The following RAPGEF5 variants were observed in gnomAD, a reference collection of about 807,000 sequenced individuals.
RAPGEF5 encodes the protein M-Ras-regulated GEF.
RAPGEF5 carries 65 observed loss-of-function variants against 125.2 expected under a neutral mutation model. The observed-to-expected ratio is 0.52, with a 90% CI of 0.43 to 0.64. The LOEUF (loss-of-function observed/expected upper bound fraction) is 0.64. Among genes scored for constraint, RAPGEF5 ranks in the 30% least tolerant of loss-of-function variants. RAPGEF5 has a pLI of 0.00. For missense variants in RAPGEF5, 958 were observed against 1,048.1 expected (o/e 0.91, Z 1.19); for synonymous variants, 391 against 385.9 (o/e 1.01, Z -0.16).
In RAPGEF5 at chr7:22,273,211, ATTTTTTT is replaced by A. The variant is rs71026869; in HGVS notation, c.748-6206_748-6200del. 3.1e-5 allele frequency among the ~76,000 whole-genome samples: 3 copies of A among 96,580 alleles called. No individual in the cohort carries two copies. The Admixed American group carries it at 3.8e-4, about 12-fold the overall frequency. The allele number at this position is 96,580 out of a possible 152,430, so 63.4% of individuals were successfully genotyped here. A position where few individuals can be genotyped will look rare whatever the true frequency, so the allele number is the denominator to read the frequency against. ...CATCTGTTTCAAGGCACTTAGGAGT[ATTTTTTT>A]TTTTTTTTTTTTTTTTTTGAGACAG... On this transcript the variant is annotated intron_variant, in intron 6 of 25. Transcript: ENST00000665637.
chr7:22,194,610 C>T, intron 9 of RAPGEF5: 2 of 984,598 alleles, frequency 2.0e-6, no homozygotes, highest in East Asian at 1.1e-4. Context: ...CTTGAGATGG[C>T]CTTCAAATTT....
intron 7 of RAPGEF5, among the ~76,000 whole-genome samples, chr7:22,248,740 T>A (rs1005448823): frequency 3.3e-5 from 5 of 152,188 alleles, no homozygotes; most frequent in African/African-American, 1.2e-4. Context: ...AACTTGCACT[T>A]AGTTCTACCT....
chr7:22,222,563 A>G (rs1785817829), intron 8 of RAPGEF5, among the ~76,000 whole-genome samples: 1 of 152,184 alleles, frequency 6.6e-6, no homozygotes, highest in African/African-American at 2.4e-5. Flanking sequence ...AGGCAGAGAG[A>G]GCAGCAGGGC....
chr7:22,140,732 A>T (rs1272307341), intron 20 of RAPGEF5, among the ~76,000 whole-genome samples: 1 of 152,196 alleles, frequency 6.6e-6, no homozygotes, highest in Non-Finnish European at 1.5e-5. Context: ...ACTCTGCATA[A>T]CATCAATCAT....
chr7:22,122,523 T>C lies in RAPGEF5; in HGVS notation c.2537-2A>G, dbSNP rs1391759721. 6.2e-7 allele frequency: 1 copy of C among 1,606,788 alleles called. No homozygotes were observed. Among genetic ancestry groups the C allele is most frequent in the African/African-American group, 1.3e-5 (1 of 74,746 alleles). Reference sequence around the variant, plus strand: ...GATGCTCTTTTGGAGACAGGTCACCTGTTGTTTAGAGGGGGAAAAAAGACA... The same window carrying C: ...GATGCTCTTTTGGAGACAGGTCACCCGTTGTTTAGAGGGGGAAAAAAGACA... On this transcript the variant is annotated splice_acceptor_variant, in intron 25 of 25. Coordinates refer to ENST00000665637, the MANE Select transcript of RAPGEF5 (RefSeq NM_012294.5). LOFTEE classifies it high-confidence loss of function.
chr7:22,228,238 A>G (rs564406755), intron 8 of RAPGEF5, among the ~76,000 whole-genome samples: 2 of 152,316 alleles, frequency 1.3e-5, no homozygotes, highest in Non-Finnish European at 2.9e-5. Flanking sequence ...CATGCTGTTT[A>G]AAGCAAGGAC....
intron 1 of RAPGEF5, among the ~76,000 whole-genome samples, chr7:22,328,935 A>G (rs1464212043): frequency 6.6e-6 from 1 of 152,162 alleles, no homozygotes; most frequent in African/African-American, 2.4e-5. Flanking sequence ...AACTTACTGG[A>G]TGTATTTTTG....
In RAPGEF5 at chr7:22,136,973, C is replaced by G. The variant is rs780418099; in HGVS notation, c.2288G>C (p.Gly763Ala). The G allele has an allele frequency of 6.3e-7, 1 of 1,582,802 alleles. No individual in the cohort carries two copies. Among genetic ancestry groups the G allele is most frequent in the Non-Finnish European group, 8.6e-7 (1 of 1,160,550 alleles). ...TTCAGAGAAAAGTTTCTTAAACTTC[C>G]CAGGGATTTTCTAAAAAACAAACAC... ...RLSQTWEKIP[G>A]KFKKLFSELE... The change falls in exon 22 of 26, where the codon GGG becomes GCG. Residue 763 changes from glycine to alanine, a missense_variant. By Grantham distance (60) the Gly-to-Ala change is moderately conservative (BLOSUM62 0). Coordinates refer to ENST00000665637, the MANE Select transcript of RAPGEF5 (RefSeq NM_012294.5).
At chr7:22,264,478 C>A (rs1478280877) in intron 7 of RAPGEF5, among the ~76,000 whole-genome samples, 1 of 152,190 alleles carries the variant, frequency 6.6e-6, no homozygotes, top group Non-Finnish European at 1.5e-5. Flanking sequence ...TGACATTATG[C>A]AATCTAACAT....
intron 4 of RAPGEF5, among the ~76,000 whole-genome samples, chr7:22,309,561 ATTAC>A (rs1397049555): frequency 6.6e-6 from 1 of 152,204 alleles, no homozygotes; most frequent in Non-Finnish European, 1.5e-5. Context: ...AGTGTTCATG[ATTAC>A]TTAGTCAATT....
In RAPGEF5 at chr7:22,291,212, T is replaced by G. The variant is rs1417285793; in HGVS notation, c.710A>C (p.Glu237Ala). 6.3e-7 allele frequency: 1 copy of G among 1,576,270 alleles called. No individual in the cohort carries two copies. Among genetic ancestry groups the G allele is most frequent in the Non-Finnish European group, 8.6e-7 (1 of 1,162,586 alleles). Residue 237 changes from glutamate to alanine, a missense_variant, in exon 6 of 26, where the codon GAA becomes GCA. By Grantham distance (107) the Glu-to-Ala change is moderately radical (BLOSUM62 -1). Coordinates refer to ENST00000665637, the MANE Select transcript of RAPGEF5 (RefSeq NM_012294.5). ...LSHQKIEDSEESSDEILVRLT... is the reference protein window; with the variant it reads ...LSHQKIEDSEASSDEILVRLT... ...ACGCACAAGAATTTCATCACTGCTT[T>G]CTTCGGAGTCTTCAATTTTCTGATG... is the stretch of plus-strand genomic sequence containing the variant.
intron 2 of RAPGEF5, among the ~76,000 whole-genome samples, chr7:22,316,929 G>A (rs1783612946): frequency 6.6e-6 from 1 of 150,856 alleles, no homozygotes. Context: ...AAGCTGATAA[G>A]GAAGTAGGAA....
At chr7:22,202,972 T>C in intron 9 of RAPGEF5, 1 of 284,680 alleles carries the variant, frequency 3.5e-6, no homozygotes, top group South Asian at 2.9e-5. Flanking sequence ...CCAAGTATAC[T>C]AACACTGAAG....
chr7:22,249,527 G>A, intron 7 of RAPGEF5, among the ~76,000 whole-genome samples: 1 of 152,068 alleles, frequency 6.6e-6, no homozygotes, highest in Non-Finnish European at 1.5e-5. Context: ...TCAAAAAAAA[G>A]AAAAGCCTTG....
intron 7 of RAPGEF5, among the ~76,000 whole-genome samples, chr7:22,236,578 A>G (rs1786195710): frequency 6.6e-6 from 1 of 152,120 alleles, no homozygotes; most frequent in Non-Finnish European, 1.5e-5. Context: ...CCTTCCCCTG[A>G]GCCTTCACCT....
chr7:22,147,135 A>C, intron 18 of RAPGEF5, 116 bp from the exon 19 acceptor site: 1 of 1,321,464 alleles, frequency 7.6e-7, no homozygotes, highest in Non-Finnish European at 1.0e-6. Context: ...TTCTGAGTGC[A>C]CTTAATATTT....
intron 20 of RAPGEF5, 147 bp downstream of exon 20, chr7:22,144,897 A>T (rs772657794): frequency 1.5e-5 from 14 of 911,032 alleles, no homozygotes; most frequent in Non-Finnish European, 1.3e-5. Flanking sequence ...AAATATTCAA[A>T]ATTGGACATT....
chr7:22,286,575 T>G (rs1310022235), intron 6 of RAPGEF5, among the ~76,000 whole-genome samples: 1 of 152,246 alleles, frequency 6.6e-6, no homozygotes, highest in African/African-American at 2.4e-5. Flanking sequence ...TTTTATCTCC[T>G]ATTTAAGAAT....
intron 21 of RAPGEF5, among the ~76,000 whole-genome samples, chr7:22,139,254 C>T (rs997724005): frequency 7.9e-5 from 12 of 151,982 alleles, no homozygotes; most frequent in African/African-American, 2.7e-4. Context: ...GTGAGCCACA[C>T]GCAGGCTAGA....
Sources: gnomAD v4.1 joint callset for allele counts (sites outside exome capture counted in the v4.1 genomes callset) on GRCh38, gnomAD v4.1.1 for gene constraint, MANE v1.5 for transcripts, NCBI Gene and HGNC (gene_info 2026-07-23, HGNC 2026-07-21) for gene names.